RBMS3: variants seen among roughly 807,000 people sequenced by gnomAD.
The protein encoded by RBMS3 is RNA binding motif single stranded interacting protein 3.
RBMS3 carries 27 observed loss-of-function variants against 66.8 expected under a neutral mutation model. That is an observed-to-expected ratio of 0.40 (90% CI 0.30 to 0.56). The LOEUF is 0.56. Ranked by LOEUF, RBMS3 falls within the 20% of genes least tolerant of loss-of-function variation. The pLI is 0.40. For synonymous variants in RBMS3, 188 were observed against 183.0 expected (o/e 1.03, Z -0.22); for missense variants, 513 against 549.5 (o/e 0.93, Z 0.66).
Position 29,747,390 on chromosome 3 carries a change from G to GTAGATAGA in RBMS3, c.557+7567_557+7574dup, listed in dbSNP as rs56736478. 3.8e-3 allele frequency among the ~76,000 whole-genome samples: 535 copies of GTAGATAGA among 141,262 alleles called. 4 individuals are homozygous for GTAGATAGA. Among genetic ancestry groups the GTAGATAGA allele is most frequent in the East Asian group, 8.0e-3 (38 of 4,756 alleles). The allele number at this position is 141,262 out of a possible 152,430, so 92.7% of individuals were successfully genotyped here. ...TCTATCTATCTAGGTAGGTAGGTAGGTAGATAGATAGATAGATAGATAGAT... is the reference window on the plus strand; with the variant it reads ...TCTATCTATCTAGGTAGGTAGGTAGGTAGATAGATAGATAGATAGATAGATAGATAGAT... On this transcript the variant is annotated intron_variant, in intron 5 of 14. Coordinates refer to ENST00000383767, the MANE Select transcript of RBMS3 (RefSeq NM_001003793.3).
intron 3 of RBMS3, among the ~76,000 whole-genome samples, chr3:29,501,570 G>A (rs943834605): frequency 2.0e-5 from 3 of 152,056 alleles, no homozygotes; most frequent in Admixed American, 6.6e-5. Flanking sequence ...TCTGTTAACC[G>A]CAGCCATTTG....
intron 1 of RBMS3, among the ~76,000 whole-genome samples, chr3:29,433,113 G>A (rs1294893952): frequency 7.3e-6 from 1 of 136,798 alleles, no homozygotes; most frequent in Non-Finnish European, 1.7e-5. Context: ...TGTTTCTTGA[G>A]GTTTTTTTTT....
chr3:29,580,087 G>A (rs969197936), intron 3 of RBMS3, among the ~76,000 whole-genome samples: 14 of 152,092 alleles, frequency 9.2e-5, no homozygotes, highest in Admixed American at 7.2e-4. Flanking sequence ...TTCAAGTGCC[G>A]TACTACTAAA....
At chr3:29,621,068 T>A (rs1015890054) in intron 4 of RBMS3, among the ~76,000 whole-genome samples, 2 of 152,130 alleles carry the variant, frequency 1.3e-5, no homozygotes, top group Non-Finnish European at 2.9e-5. Context: ...TAAAGGCTGC[T>A]GGAACATGCA....
chr3:29,842,090 C>T (rs2058675703), intron 6 of RBMS3, among the ~76,000 whole-genome samples: 1 of 152,064 alleles, frequency 6.6e-6, no homozygotes, highest in Non-Finnish European at 1.5e-5. Flanking sequence ...TTACCATCAT[C>T]TAATTTTTGC....
intron 3 of RBMS3, among the ~76,000 whole-genome samples, chr3:29,490,537 G>A (rs550382257): frequency 2.6e-5 from 4 of 152,064 alleles, no homozygotes; most frequent in Non-Finnish European, 5.9e-5. Flanking sequence ...GTAGGTTTTG[G>A]GGAGAAGGTG....
chr3:29,341,231 T>C (rs1344031957), intron 1 of RBMS3, among the ~76,000 whole-genome samples: 1 of 152,112 alleles, frequency 6.6e-6, no homozygotes, highest in Non-Finnish European at 1.5e-5. Flanking sequence ...CAAGTGGTAA[T>C]TGCATACAAA....
intron 4 of RBMS3, among the ~76,000 whole-genome samples, chr3:29,618,748 A>G (rs1385954059): frequency 2.6e-5 from 4 of 152,194 alleles, no homozygotes; most frequent in Admixed American, 1.3e-4. Context: ...AATGTCTGAT[A>G]ACTCAACAAT....
At chr3:29,945,317 CT>C (rs1559825992) in intron 12 of RBMS3, among the ~76,000 whole-genome samples, 1 of 151,560 alleles carries the variant, frequency 6.6e-6, no homozygotes, top group African/African-American at 2.4e-5. Context: ...AAGGGTAATT[CT>C]TTTTTAATTT....
intron 3 of RBMS3, among the ~76,000 whole-genome samples, chr3:29,546,108 TTGTGTGTGTGTGTGTGTGTGTGTGTG>T (rs71091070): frequency 1.4e-5 from 2 of 145,944 alleles, no homozygotes; most frequent in Non-Finnish European, 3.0e-5. Flanking sequence ...TGAGACGGGT[TTGTGTGTGTGTGTGTGTGTGTGTGTG>T]TGTGTGTGTG....
intron 3 of RBMS3, among the ~76,000 whole-genome samples, chr3:29,501,296 G>C (rs1313918916): frequency 6.6e-6 from 1 of 152,050 alleles, no homozygotes; most frequent in East Asian, 1.9e-4. Flanking sequence ...ATTCCTTTAT[G>C]GTGTCCAGGT....
intron 4 of RBMS3, among the ~76,000 whole-genome samples, chr3:29,669,358 A>T (rs2050897795): frequency 6.6e-6 from 1 of 151,750 alleles, no homozygotes; most frequent in South Asian, 2.1e-4. Context: ...GTTTCTCCTC[A>T]CTCTCAAATT....
intron 12 of RBMS3, among the ~76,000 whole-genome samples, chr3:29,947,826 G>C (rs996774663): frequency 6.6e-6 from 1 of 150,952 alleles, no homozygotes; most frequent in African/African-American, 2.4e-5. Context: ...TATTTCAGTT[G>C]TTTTGAGCTT....
intron 3 of RBMS3, among the ~76,000 whole-genome samples, chr3:29,543,062 A>G (rs1413225891): frequency 6.6e-6 from 1 of 152,212 alleles, no homozygotes; most frequent in Non-Finnish European, 1.5e-5. Context: ...ACTTTCTAGA[A>G]AATGGGCAGA....
intron 4 of RBMS3, among the ~76,000 whole-genome samples, chr3:29,688,798 G>A (rs780615140): frequency 1.3e-5 from 2 of 151,810 alleles, no homozygotes; most frequent in Non-Finnish European, 2.9e-5. Flanking sequence ...GGCCAGGCTG[G>A]TCTCGAACTC....
intron 5 of RBMS3, among the ~76,000 whole-genome samples, chr3:29,758,947 T>G (rs1289207231): frequency 6.6e-6 from 1 of 152,168 alleles, no homozygotes; most frequent in Non-Finnish European, 1.5e-5. Flanking sequence ...ACTGGAAACC[T>G]CTAATTAACC....
At chr3:29,551,532 T>A (rs911068146) in intron 3 of RBMS3, among the ~76,000 whole-genome samples, 17 of 152,266 alleles carry the variant, frequency 1.1e-4, no homozygotes, top group African/African-American at 3.1e-4. Context: ...AAAATAGGGA[T>A]AAAGAAAATA....
chr3:29,726,038 G>T (rs577094319), intron 4 of RBMS3, among the ~76,000 whole-genome samples: 1 of 152,318 alleles, frequency 6.6e-6, no homozygotes, highest in African/African-American at 2.4e-5. Flanking sequence ...TCCCAGGGAT[G>T]CAAGGCTGGT....
intron 2 of RBMS3, among the ~76,000 whole-genome samples, chr3:29,453,478 C>T (rs1295277036): frequency 5.3e-5 from 8 of 152,142 alleles, no homozygotes; most frequent in Admixed American, 1.3e-4. Context: ...GCAGCGAATC[C>T]GAGCAGTGTG....
Sources: gnomAD v4.1 joint callset for allele counts (sites outside exome capture counted in the v4.1 genomes callset) on GRCh38, gnomAD v4.1.1 for gene constraint, MANE v1.5 for transcripts, NCBI Gene and HGNC (gene_info 2026-07-23, HGNC 2026-07-21) for gene names.